Variants in SLC68A1 observed in about 807,000 individuals in gnomAD.
SLC68A1 encodes the protein solute carrier family 68 member 1.
the SLC68A1 span, chr10:102,473,818 G>A: frequency 6.2e-7 from 1 of 1,609,068 alleles, no homozygotes; most frequent in Non-Finnish European, 8.5e-7. Context: ...CTCTACTGCA[G>A]CAACCGCGTC....
the SLC68A1 span, chr10:102,469,310 GGCAGT>G: frequency 2.9e-6 from 3 of 1,029,866 alleles, no homozygotes; most frequent in Non-Finnish European, 4.4e-6. Context: ...CAGAGGCCTG[GGCAGT>G]CCAGGTTGTT....
the SLC68A1 span, among the ~76,000 whole-genome samples, chr10:102,464,776 C>A: frequency 9.4e-6 from 1 of 106,472 alleles, no homozygotes; most frequent in African/African-American, 3.9e-5. Flanking sequence ...GGCAACAGAG[C>A]GAGACTCTGT....
At chr10:102,470,075 G>C in the SLC68A1 span, 31 of 1,613,594 alleles carry the variant, frequency 1.9e-5, no homozygotes, top group Non-Finnish European at 2.5e-5. Context: ...TCCCAGCCCC[G>C]GTTGGTGTAT....
At chr10:102,475,786 C>T in the SLC68A1 span, 2 of 1,613,888 alleles carry the variant, frequency 1.2e-6, no homozygotes, top group South Asian at 1.1e-5. Context: ...GGCCAGAGCC[C>T]CCAGCTCCAG....
At chr10:102,471,175 C>T in the SLC68A1 span, 10 of 387,568 alleles carry the variant, frequency 2.6e-5, no homozygotes, top group South Asian at 1.2e-4. Flanking sequence ...AGTCTGATTT[C>T]GGTGCTGGGT....
chr10:102,470,121 C>G, the SLC68A1 span: 1 of 1,564,536 alleles, frequency 6.4e-7, no homozygotes, highest in Non-Finnish European at 8.8e-7. Flanking sequence ...TCCCACCCTA[C>G]TGCTACCCAG....
the SLC68A1 span, among the ~76,000 whole-genome samples, chr10:102,462,756 G>GC: frequency 6.6e-6 from 1 of 152,156 alleles, no homozygotes; most frequent in Non-Finnish European, 1.5e-5. Context: ...TCCTGATGTG[G>GC]CCCCTTTCTC....
chr10:102,470,738 C>G, the SLC68A1 span: 1 of 1,613,772 alleles, frequency 6.2e-7, no homozygotes, highest in East Asian at 2.2e-5. Flanking sequence ...TGGGCCGCTG[C>G]TGGCGCTGTC....
the SLC68A1 span, chr10:102,476,039 C>A: frequency 9.1e-7 from 1 of 1,103,744 alleles, no homozygotes. Context: ...GGGGAAGGAG[C>A]CAGTTTTTTT....
the SLC68A1 span, among the ~76,000 whole-genome samples, chr10:102,464,682 C>T: frequency 3.5e-5 from 5 of 142,090 alleles, no homozygotes; most frequent in Admixed American, 7.3e-5. Flanking sequence ...CCCAGCTACT[C>T]GGGTGGCTGA....
chr10:102,473,650 C>T, the SLC68A1 span: 55 of 1,613,946 alleles, frequency 3.4e-5, 1 homozygote, highest in South Asian at 4.1e-4. Flanking sequence ...CGCGGTGGTG[C>T]GGGGGCTCTT....
At chr10:102,470,567 C>T in the SLC68A1 span, 3 of 1,529,786 alleles carry the variant, frequency 2.0e-6, no homozygotes, top group African/African-American at 1.4e-5. Context: ...GAGTCCCACA[C>T]CCTGGGCCTC....
chr10:102,461,473 G>C, the SLC68A1 span: 1 of 152,424 alleles, frequency 6.6e-6, no homozygotes, highest in East Asian at 1.9e-4. Context: ...CCAGCGGCCG[G>C]GGCTCGCGGG....
At chr10:102,472,913 C>A in the SLC68A1 span, 1 of 1,614,154 alleles carries the variant, frequency 6.2e-7, no homozygotes. Context: ...ATCTGTTGTC[C>A]GACCATATCT....
chr10:102,470,075 G>A, the SLC68A1 span: 34 of 1,613,714 alleles, frequency 2.1e-5, no homozygotes, highest in Middle Eastern at 6.6e-4. Flanking sequence ...TCCCAGCCCC[G>A]GTTGGTGTAT....
At chr10:102,475,630 G>T in the SLC68A1 span, 1 of 1,422,656 alleles carries the variant, frequency 7.0e-7, no homozygotes. Context: ...ACGTCCATGT[G>T]GTGTCTGAGA....
chr10:102,476,612 A>G, the SLC68A1 span: 20 of 985,956 alleles, frequency 2.0e-5, no homozygotes, highest in African/African-American at 3.1e-4. Flanking sequence ...CACTGCAGTG[A>G]AAGTCTCTGC....
the SLC68A1 span, among the ~76,000 whole-genome samples, chr10:102,466,252 G>A: frequency 1.3e-5 from 2 of 152,284 alleles, no homozygotes; most frequent in African/African-American, 4.8e-5. Context: ...GGGAGGCTGA[G>A]GTGGGTAGAT....
At chr10:102,464,738 C>G in the SLC68A1 span, among the ~76,000 whole-genome samples, 1 of 138,140 alleles carries the variant, frequency 7.2e-6, no homozygotes, top group Non-Finnish European at 1.5e-5. Flanking sequence ...TGCAGTAAGC[C>G]GAGATTGTGC....
Sources: gnomAD v4.1 joint callset for allele counts (sites outside exome capture counted in the v4.1 genomes callset) on GRCh38, gnomAD v4.1.1 for gene constraint, MANE v1.5 for transcripts, NCBI Gene and HGNC (gene_info 2026-07-23, HGNC 2026-07-21) for gene names.